RAD18: variants seen among roughly 807,000 people sequenced by gnomAD.
RAD18 encodes E3 ubiquitin-protein ligase RAD18.
In RAD18, 47 loss-of-function variants were observed where a neutral mutation model predicts 60.4. The ratio of observed to expected loss-of-function variants is 0.78; its 90% CI spans 0.62 to 0.99. The LOEUF (loss-of-function observed/expected upper bound fraction) is 0.99, where lower values mean the gene tolerates loss of function less well. Ranked by LOEUF, RAD18 falls within the 50% of genes least tolerant of loss-of-function variation. The pLI is 0.00. For missense variants in RAD18, 640 were observed against 593.3 expected (o/e 1.08, Z -0.82); for synonymous variants, 225 against 195.5 (o/e 1.15, Z -1.26).
Position 8,902,534 on chromosome 3 carries a change from G to C in RAD18, c.1028-14C>G. 2 of 1,592,178 alleles carry C rather than the reference G, an allele frequency of 1.3e-6. No individual in the cohort carries two copies. The highest frequency in any genetic ancestry group is 2.3e-5 in the South Asian group (2 of 87,840). The stretch of plus-strand genomic sequence containing the variant: ...TATGTTTTTTACCTGAAATTCAAAA[G>C]ATCTTCTCAGTAAAGCTAGGACTAT... On this transcript the variant is annotated splice_polypyrimidine_tract_variant and intron_variant, in intron 9 of 12. Coordinates refer to ENST00000264926, the MANE Select transcript of RAD18 (RefSeq NM_020165.4).
intron 7 of RAD18, among the ~76,000 whole-genome samples, chr3:8,924,912 T>C (rs1246986694): frequency 6.6e-6 from 1 of 151,726 alleles, no homozygotes; most frequent in Non-Finnish European, 1.5e-5. Context: ...TTTAAAGCAG[T>C]GTGTAGGGGG....
At chr3:8,959,081 C>A in intron 1 of RAD18, 80 bp from the exon 2 acceptor site, 1 of 1,102,048 alleles carries the variant, frequency 9.1e-7, no homozygotes, top group Non-Finnish European at 1.4e-6. Context: ...TTCTCTATCC[C>A]CTAAAAAAAA....
chr3:8,923,649 A>C (rs1029194420), intron 7 of RAD18, among the ~76,000 whole-genome samples: 1 of 152,178 alleles, frequency 6.6e-6, no homozygotes, highest in Non-Finnish European at 1.5e-5. Context: ...AAAAAACGTT[A>C]AGGGCAGCCA....
Position 8,939,597 on chromosome 3 carries a change from C to A in RAD18, c.661G>T (p.Asp221Tyr), listed in dbSNP as rs1450113179. The A allele has an allele frequency of 1.2e-6, 2 of 1,613,274 alleles. No individual in the cohort carries two copies. The highest frequency in any genetic ancestry group is 1.7e-6 in the Non-Finnish European group (2 of 1,179,448). The change falls in exon 6 of 13, where the codon GAC becomes TAC. Residue 221 changes from aspartate (D) to tyrosine (Y), a missense_variant. By Grantham distance (160) the Asp-to-Tyr change is radical. Transcript: ENST00000264926. The part of the protein sequence containing the change: ...IPESHINKHL[D>Y]SCLSREEKKE... ...TTCTCTTCGCGTGATAAACAGCTGT[C>A]TAAATGCTTATTAATGTGACTTTCT... is the stretch of plus-strand genomic sequence containing the variant.
intron 6 of RAD18, among the ~76,000 whole-genome samples, chr3:8,937,446 G>A (rs181922716): frequency 3.5e-3 from 523 of 151,574 alleles, no homozygotes; most frequent in African/African-American, 0.012. Context: ...TGATTTAGTG[G>A]AACTGAGTAA....
chr3:8,922,538 T>C (rs1940342778), intron 7 of RAD18, among the ~76,000 whole-genome samples: 2 of 152,200 alleles, frequency 1.3e-5, no homozygotes, highest in Non-Finnish European at 2.9e-5. Flanking sequence ...CAGGCTTAAA[T>C]GTCCCTGTCT....
chr3:8,884,705 G>T (rs772448713), intron 12 of RAD18, among the ~76,000 whole-genome samples: 7 of 152,132 alleles, frequency 4.6e-5, no homozygotes, highest in Non-Finnish European at 8.8e-5. Context: ...GGTAGTGCAA[G>T]AAGTCATCTA....
In RAD18 at chr3:8,898,978, A is replaced by C. The variant is rs1939853412; in HGVS notation, c.1238T>G (p.Leu413Trp). ...AGAATCCTCTTCTCTGTCAGGTTCC[A>C]ATTCCTCTGGGGAGTCCAGCTTTGA... ...SQSKLDSPEELEPDREEDSSS... is the reference protein window; with the variant it reads ...SQSKLDSPEEWEPDREEDSSS... The change falls in exon 11 of 13, where the codon TTG becomes TGG. Residue 413 changes from leucine to tryptophan, a missense_variant. Coordinates refer to ENST00000264926, the MANE Select transcript of RAD18 (RefSeq NM_020165.4). 6.2e-7 allele frequency: 1 copy of C among 1,610,970 alleles called. No individual in the cohort carries two copies. The highest frequency in any genetic ancestry group is 8.5e-7 in the Non-Finnish European group (1 of 1,177,852).
At chr3:8,890,356 G>A (rs1939663003) in intron 12 of RAD18, 33 bp downstream of exon 12, 6 of 1,496,258 alleles carry the variant, frequency 4.0e-6, no homozygotes, top group Non-Finnish European at 5.6e-6. Flanking sequence ...TCAGGTCAAA[G>A]TGCATGCTTA....
intron 7 of RAD18, among the ~76,000 whole-genome samples, chr3:8,922,011 C>G: frequency 6.6e-6 from 1 of 152,210 alleles, no homozygotes; most frequent in East Asian, 1.9e-4. Flanking sequence ...TCAGCATGAG[C>G]GACGCAGAAG....
At chr3:8,931,394 A>G (rs1378815192) in intron 7 of RAD18, 2 of 152,248 alleles carry the variant, frequency 1.3e-5, no homozygotes, top group Non-Finnish European at 2.9e-5. Context: ...ACTGTGCATT[A>G]AAAGTCTTAA....
At chr3:8,902,060 C>T (rs1375050070) in intron 10 of RAD18, among the ~76,000 whole-genome samples, 1 of 152,178 alleles carries the variant, frequency 6.6e-6, no homozygotes, top group Non-Finnish European at 1.5e-5. Context: ...AAATAATTCA[C>T]TCTCTTTACA....
In RAD18 at chr3:8,890,418, T is replaced by G; in HGVS notation, c.1356A>C (p.Glu452Asp). Residue 452 changes from glutamate (E) to aspartate (D), a missense_variant, in exon 12 of 13, where the codon GAA becomes GAC. Glu to Asp is a conservative substitution (Grantham distance 45). Coordinates refer to ENST00000264926, the MANE Select transcript of RAD18 (RefSeq NM_020165.4). The part of the protein sequence containing the change: ...SSSDIIRDLL[E>D]EEEAWEASHK... ...GTGATGCTTCCCAGGCTTCCTCTTCTTCTAAAAGATCTCTTATGATGTCTG... is the reference window on the plus strand; with the variant it reads ...GTGATGCTTCCCAGGCTTCCTCTTCGTCTAAAAGATCTCTTATGATGTCTG... 1 of 1,595,400 alleles carries G rather than the reference T, an allele frequency of 6.3e-7. No individual in the cohort carries two copies. The highest frequency in any genetic ancestry group is 8.6e-7 in the Non-Finnish European group (1 of 1,163,070).
chr3:8,882,481 G>C (rs941391364), intron 12 of RAD18, among the ~76,000 whole-genome samples: 1 of 152,106 alleles, frequency 6.6e-6, no homozygotes, highest in Non-Finnish European at 1.5e-5. Flanking sequence ...TGCTGAGAAA[G>C]GCCCACCCCT....
At chr3:8,934,805 G>A (rs184407273) in intron 7 of RAD18, among the ~76,000 whole-genome samples, 2 of 152,172 alleles carry the variant, frequency 1.3e-5, no homozygotes, top group East Asian at 1.9e-4. Flanking sequence ...GAGGAAAAGT[G>A]GGAACAAAAT....
chr3:8,954,008 A>T (rs1439275362), intron 2 of RAD18, among the ~76,000 whole-genome samples: 1 of 152,226 alleles, frequency 6.6e-6, no homozygotes, highest in African/African-American at 2.4e-5. Flanking sequence ...ATCTTCTTTT[A>T]TATTCTCATG....
chr3:8,933,919 G>A (rs1024575259), intron 7 of RAD18, among the ~76,000 whole-genome samples: 2 of 152,154 alleles, frequency 1.3e-5, no homozygotes, highest in African/African-American at 4.8e-5. Flanking sequence ...AAGTACTTAA[G>A]ACACACATTA....
chr3:8,897,753 A>G (rs1939816825), intron 11 of RAD18, among the ~76,000 whole-genome samples: 1 of 152,192 alleles, frequency 6.6e-6, no homozygotes, highest in Non-Finnish European at 1.5e-5. Context: ...TCAGAGGGCA[A>G]TGCCTACATA....
At chr3:8,892,611 C>A (rs111275155) in intron 11 of RAD18, among the ~76,000 whole-genome samples, 24 of 152,226 alleles carry the variant, frequency 1.6e-4, no homozygotes, top group Non-Finnish European at 2.1e-4. Flanking sequence ...CACACCTTGG[C>A]CAAGCTGGTT....
Sources: allele counts gnomAD v4.1 joint callset (sites outside exome capture counted in the v4.1 genomes callset), GRCh38; gene constraint gnomAD v4.1.1; transcripts MANE v1.5; gene names NCBI Gene and HGNC (gene_info 2026-07-23, HGNC 2026-07-21).